Variants in LMF1 observed in about 807,000 individuals in gnomAD.
LMF1 encodes the protein lipase maturation factor 1.
LMF1 carries 68 observed loss-of-function variants against 60.6 expected under a neutral mutation model. The observed-to-expected ratio is 1.12, with a 90% CI of 0.92 to 1.37. LMF1 has a LOEUF of 1.37. Among genes scored for constraint, LMF1 ranks in the 40% most tolerant of loss-of-function variants. LMF1 has a pLI of 0.00. For synonymous variants in LMF1, 418 were observed against 324.7 expected (o/e 1.29, Z -3.09); for missense variants, 948 against 767.2 (o/e 1.24, Z -2.78).
chr16:964,334 A>T (rs1166881062), intron 1 of LMF1, among the ~76,000 whole-genome samples: 2 of 151,672 alleles, frequency 1.3e-5, no homozygotes. Flanking sequence ...AAAAAAAATC[A>T]GCTTTCTCTT....
intron 2 of LMF1, among the ~76,000 whole-genome samples, chr16:941,636 C>T (rs1163442740): frequency 6.6e-6 from 1 of 152,150 alleles, no homozygotes; most frequent in Non-Finnish European, 1.5e-5. Flanking sequence ...GGTTTTTCGT[C>T]CTGTTCCTCT....
chr16:871,325 C>T lies in LMF1; in HGVS notation c.914G>A (p.Ser305Asn). 1 of 1,612,322 alleles carries T rather than the reference C, an allele frequency of 6.2e-7. No individual in the cohort carries two copies. The highest frequency in any genetic ancestry group is 8.5e-7 in the Non-Finnish European group (1 of 1,179,782). The change falls in exon 7 of 11, where the codon AGC becomes AAC. Residue 305 changes from serine (S) to asparagine (N), a missense_variant. By Grantham distance (46) the Ser-to-Asn change is conservative. Transcript: ENST00000262301. ...CCAGTTCAGGAAGCTGAGGTTCCCG[C>T]TGACGATGAGGACGGCCTGTGGAGA... ...QILFQAVLIV[S>N]GNLSFLNWLT...
chr16:974,923 G>C (rs923432363), upstream of LMF1, among the ~76,000 whole-genome samples: 2 of 152,198 alleles, frequency 1.3e-5, no homozygotes, highest in Admixed American at 6.5e-5. Context: ...GGTATGGAAG[G>C]GGGGCCCAGG....
intron 2 of LMF1, among the ~76,000 whole-genome samples, chr16:936,176 G>A (rs1199737676): frequency 1.4e-5 from 2 of 141,982 alleles, no homozygotes; most frequent in East Asian, 2.2e-4. Context: ...GACAGAGGGG[G>A]CACCGTGTGG....
intron 10 of LMF1, among the ~76,000 whole-genome samples, chr16:865,852 C>G (rs1395948529): frequency 6.6e-6 from 1 of 152,234 alleles, no homozygotes; most frequent in Non-Finnish European, 1.5e-5. Context: ...TCTATGTCCT[C>G]TCACTTGTTC....
At chr16:939,600 CTG>C (rs139248611) in intron 2 of LMF1, among the ~76,000 whole-genome samples, 11,777 of 152,318 alleles carry the variant, frequency 0.077, 518 homozygotes, top group South Asian at 0.15. Context: ...CTCGACCCTG[CTG>C]TGTCTGCGGC....
intron 5 of LMF1, among the ~76,000 whole-genome samples, chr16:882,427 T>G (rs1019000049): frequency 2.6e-5 from 4 of 152,208 alleles, no homozygotes; most frequent in African/African-American, 9.7e-5. Flanking sequence ...GTCCCTCTAC[T>G]CTGAGGCCAC....
rs113001804 is a variant in LMF1, at chr16:871,042, C to T, written c.1078+119G>A. 1.3e-3 allele frequency: 1,760 copies of T among 1,393,590 alleles called. 25 individuals are homozygous for T. The African/African-American group carries it at 0.02, about 16-fold the overall frequency. The allele number at this position is 1,393,590 out of a possible 1,614,324, so 86.3% of individuals were successfully genotyped here. On this transcript the variant is annotated intron_variant, in intron 7 of 10. Transcript: ENST00000262301. ...ACCTTGTTCCTGGCACGCTACACTGCGGACGGCGCTGACTCTCCTCCTACC... is the reference window on the plus strand; with the variant it reads ...ACCTTGTTCCTGGCACGCTACACTGTGGACGGCGCTGACTCTCCTCCTACC...
chr16:892,900 T>C, intron 5 of LMF1, 107 bp downstream of exon 5: 1 of 840,920 alleles, frequency 1.2e-6, no homozygotes, highest in Non-Finnish European at 1.8e-6. Context: ...GGGGTGACCC[T>C]GTGATGCGAC....
At chr16:876,186 G>T (rs1321408085) in intron 6 of LMF1, among the ~76,000 whole-genome samples, 1 of 152,252 alleles carries the variant, frequency 6.6e-6, no homozygotes, top group African/African-American at 2.4e-5. Flanking sequence ...TCTCGGAACC[G>T]AAGAGAAACA....
intron 4 of LMF1, chr16:899,131 G>A (rs1002660356): frequency 6.6e-6 from 1 of 152,258 alleles, no homozygotes; most frequent in African/African-American, 2.4e-5. Context: ...GGGGATCTGA[G>A]ACACCCTCGC....
chr16:906,700 C>T (rs762223517), intron 4 of LMF1, among the ~76,000 whole-genome samples: 2 of 152,324 alleles, frequency 1.3e-5, no homozygotes, highest in South Asian at 2.1e-4. Context: ...GTCTTCATTA[C>T]GATCATTTTT....
Position 854,296 on chromosome 16 carries a change from C to G in LMF1, c.*236G>C. ...TGGGATGGATGGGAGATCAGAGCCC[C>G]TGGCGCCTGGGACAAGGGTTGGCCT... is the stretch of plus-strand genomic sequence containing the variant. On this transcript the variant is annotated 3_prime_UTR_variant, in exon 11 of 11. Transcript: ENST00000262301. 1 of 684,680 alleles carries G rather than the reference C, an allele frequency of 1.5e-6. No homozygotes were observed. Among genetic ancestry groups the G allele is most frequent in the East Asian group, 2.8e-5 (1 of 36,100 alleles). The allele number at this position is 684,680 out of a possible 1,614,324, so 42.4% of individuals were successfully genotyped here. A position where few individuals can be genotyped will look rare whatever the true frequency, so the allele number is the denominator to read the frequency against.
chr16:869,112 C>T (rs2069699660), intron 9 of LMF1, 56 bp from the exon 10 acceptor site: 1 of 1,173,932 alleles, frequency 8.5e-7, no homozygotes, highest in Non-Finnish European at 1.3e-6. Flanking sequence ...CAGGCACAGC[C>T]CCTCCGGACG....
intron 6 of LMF1, among the ~76,000 whole-genome samples, chr16:875,767 C>A (rs552426186): frequency 6.6e-6 from 1 of 152,142 alleles, no homozygotes; most frequent in Admixed American, 6.5e-5. Context: ...CCGAGCCTGG[C>A]GTGGGCATCT....
rs1436982343 is a variant in LMF1, at chr16:878,269, C to A, written c.897+1301G>T. On this transcript the variant is annotated intron_variant, in intron 6 of 10. Transcript: ENST00000262301. This position sits in a 1 kb window ranked among gnomAD's most constrained non-coding sequence, Gnocchi z 5.2. Reference sequence around the variant, plus strand: ...CAAGTCCGTTCTTCCCACTTAGATTCACGGCGACATCGATGCCCACAGGGA... The same window carrying A: ...CAAGTCCGTTCTTCCCACTTAGATTAACGGCGACATCGATGCCCACAGGGA... 6.6e-6 allele frequency among the ~76,000 whole-genome samples: 1 copy of A among 152,130 alleles called. No individual in the cohort carries two copies. The highest frequency in any genetic ancestry group is 1.5e-5 in the Non-Finnish European group (1 of 68,032).
intron 3 of LMF1, among the ~76,000 whole-genome samples, chr16:918,142 A>G (rs544646395): frequency 3.9e-5 from 6 of 152,348 alleles, no homozygotes; most frequent in South Asian, 4.1e-4. Flanking sequence ...CGTGCTTTAG[A>G]TAAAATTACG....
At chr16:978,686 T>C (rs2073247963) in intron 1 of LMF1, among the ~76,000 whole-genome samples, 4 of 151,630 alleles carry the variant, frequency 2.6e-5, no homozygotes, top group African/African-American at 9.7e-5. Flanking sequence ...GAGGTCAGGG[T>C]GGGTGGGGCC....
chr16:907,473 C>A (rs1309310729), intron 4 of LMF1, among the ~76,000 whole-genome samples: 3 of 152,132 alleles, frequency 2.0e-5, no homozygotes, highest in African/African-American at 7.2e-5. Context: ...ACGTCCAGCT[C>A]CGGCGGGCAC....
Sources: allele counts gnomAD v4.1 joint callset (sites outside exome capture counted in the v4.1 genomes callset), GRCh38; gene constraint gnomAD v4.1.1; non-coding constraint Gnocchi (gnomAD v3.1); transcripts MANE v1.5; gene names NCBI Gene and HGNC (gene_info 2026-07-23, HGNC 2026-07-21).